CDH23: variants seen among roughly 807,000 people sequenced by gnomAD.
CDH23 encodes cadherin related 23, also known as cadherin-23.
Under a neutral mutation model 317.1 loss-of-function variants are expected in CDH23, and 189 were observed. The observed-to-expected ratio is 0.60, with a 90% CI of 0.53 to 0.67. The LOEUF is 0.67. Among genes scored for constraint, CDH23 ranks in the 30% least tolerant of loss-of-function variants. The pLI is 0.00. For missense variants in CDH23, 4,401 were observed against 4,592.4 expected (o/e 0.96, Z 1.20); for synonymous variants, 1,839 against 1,876.8 (o/e 0.98, Z 0.52).
Position 71,638,534 on chromosome 10 carries a change from T to A in CDH23, c.1135-5327T>A, listed in dbSNP as rs149395781. Among the ~76,000 whole-genome samples the A allele has an allele frequency of 2.6e-5, 4 of 152,250 alleles. No homozygotes were observed. In the East Asian group the frequency reaches 7.7e-4, roughly 29 times the overall value. ...GTGCTGAGAGCCCTCAGGTAATGAA[T>A]GACCAAGGGAAGCCATGCTTAGAAG... On this transcript the variant is annotated intron_variant, in intron 11 of 69. Coordinates refer to ENST00000224721, the MANE Select transcript of CDH23 (RefSeq NM_022124.6).
intron 14 of CDH23, among the ~76,000 whole-genome samples, chr10:71,651,457 C>T (rs1259007433): frequency 1.3e-5 from 2 of 151,016 alleles, no homozygotes; most frequent in Non-Finnish European, 2.9e-5. Context: ...CACTTGAGCC[C>T]AGGAAGTTGA....
rs969857955 is a variant in CDH23, at chr10:71,740,710, C to T, written c.4489-112C>T. On this transcript the variant is annotated intron_variant, in intron 36 of 69. Transcript: ENST00000224721. ...GGCCACCCAGGGGTTCTCAGTGAGT[C>T]TCTTTGCCCTCCCAAATGCTCCCCA... 8 of 1,460,068 alleles carry T rather than the reference C, an allele frequency of 5.5e-6. No individual in the cohort carries two copies. In the African/African-American group the frequency reaches 1.1e-4, roughly 20 times the overall value. The allele number at this position is 1,460,068 out of a possible 1,614,324, so 90.4% of individuals were successfully genotyped here.
At position 71,807,663 on chromosome 10, in the gene CDH23, C is replaced by T; in HGVS notation, c.8456C>T (p.Pro2819Leu). 1 of 1,613,966 alleles carries T rather than the reference C, an allele frequency of 6.2e-7. No individual in the cohort carries two copies. Among genetic ancestry groups the T allele is most frequent in the South Asian group, 1.1e-5 (1 of 91,064 alleles). The change falls in exon 59 of 70, where the codon CCA becomes CTA. Residue 2819 changes from proline to leucine, a missense_variant. Around this residue, in one of 3 missense-constraint regions of CDH23, gnomAD observed 1,144 missense variants for 1,138.2 expected, o/e 1.01. Transcript: ENST00000224721. ...TGGACACCTCCCCGTGGACCCTCCC[C>T]AACCCTCGACCTGGTTGCTGACCTC... ...RSWTPPRGPSPTLDLVADLTL... is the reference protein window; with the variant it reads ...RSWTPPRGPSLTLDLVADLTL...
intron 3 of CDH23, among the ~76,000 whole-genome samples, chr10:71,471,585 G>A (rs16928914): frequency 0.23 from 34,696 of 151,692 alleles, 4,845 homozygotes; most frequent in East Asian, 0.48. Flanking sequence ...CTCCAGTTGC[G>A]TGGACCCAGC....
chr10:71,645,847 T>G lies in CDH23; in HGVS notation c.1157T>G (p.Phe386Cys), dbSNP rs1793127025. ...KDENLGLNSM[F>C]EVYLVGNNSH... Reference sequence around the variant, plus strand: ...TTGACCCAGGGCCTGAACAGCATGTTTGAGGTGTACTTGGTGGGGAACAAC... The same window carrying G: ...TTGACCCAGGGCCTGAACAGCATGTGTGAGGTGTACTTGGTGGGGAACAAC... The change falls in exon 13 of 70, where the codon TTT becomes TGT. Residue 386 changes from phenylalanine to cysteine, a missense_variant. Transcript: ENST00000224721. 1 of 1,611,540 alleles carries G rather than the reference T, an allele frequency of 6.2e-7. No homozygotes were observed. Among genetic ancestry groups the G allele is most frequent in the African/African-American group, 1.3e-5 (1 of 74,874 alleles).
intron 38 of CDH23, among the ~76,000 whole-genome samples, chr10:71,752,729 G>C (rs1840036431): frequency 6.6e-6 from 1 of 152,170 alleles, no homozygotes; most frequent in South Asian, 2.1e-4. Flanking sequence ...TCCTGGCCCA[G>C]GCTGACCACT....
In CDH23 at chr10:71,791,158, A is replaced by G; in HGVS notation, c.6076A>G (p.Ile2026Val). 6.2e-7 allele frequency: 1 copy of G among 1,611,510 alleles called. No individual in the cohort carries two copies. The highest frequency in any genetic ancestry group is 2.2e-5 in the East Asian group (1 of 44,794). Residue 2026 changes from isoleucine (I) to valine (V), a missense_variant, in exon 47 of 70, where the codon ATC becomes GTC. By Grantham distance (29) the Ile-to-Val change is conservative. Coordinates refer to ENST00000224721, the MANE Select transcript of CDH23 (RefSeq NM_022124.6). ...TGTGGTGACCGTGAGGTCAGGTGTC[A>G]TCATTGACCGGGAGGCATTCTCGCC... The part of the protein sequence containing the change: ...TGVVTVRSGV[I>V]IDREAFSPPI...
rs146819206 is a variant in CDH23, at chr10:71,798,442, G to A, written c.6918G>A (p.Leu2306=). 2,924 of 1,613,968 alleles carry A rather than the reference G, an allele frequency of 1.8e-3. 40 individuals are homozygous for A. In the South Asian group the frequency reaches 0.019, roughly 10 times the overall value. The stretch of plus-strand genomic sequence containing the variant: ...TCACCTACTACATGGAGCGGATCCT[G>A]GAGGGGGCCACCCCTGGGACCACAC... ...FGITYYMERI[L]EGATPGTTLI... is the part of the protein sequence containing the mutation. Residue 2306 remains leucine (L), a synonymous_variant, in exon 50 of 70, where the codon CTG becomes CTA. Coordinates refer to ENST00000224721, the MANE Select transcript of CDH23 (RefSeq NM_022124.6).
chr10:71,440,242 G>A (rs1382318896), intron 2 of CDH23, among the ~76,000 whole-genome samples: 1 of 152,174 alleles, frequency 6.6e-6, no homozygotes, highest in Non-Finnish European at 1.5e-5. Flanking sequence ...CCACGGCTGT[G>A]TTCTGAGCAC....
At chr10:71,773,931 T>C (rs896845843) in intron 38 of CDH23, among the ~76,000 whole-genome samples, 4 of 152,084 alleles carry the variant, frequency 2.6e-5, no homozygotes, top group Admixed American at 2.6e-4. Context: ...CACTCCCAGC[T>C]GTGGAATGAG....
intron 3 of CDH23, among the ~76,000 whole-genome samples, chr10:71,506,453 A>G (rs1853644459): frequency 6.6e-6 from 1 of 152,212 alleles, no homozygotes; most frequent in South Asian, 2.1e-4. Context: ...CTGAGATGCA[A>G]GGTATATTGT....
rs189595046 is a variant in CDH23, at chr10:71,608,806, G to A, written c.833-6698G>A. Among the ~76,000 whole-genome samples, 7 of 152,340 alleles carry A rather than the reference G, an allele frequency of 4.6e-5. No individual in the cohort carries two copies. In the East Asian group the frequency reaches 5.8e-4, roughly 13 times the overall value. On this transcript the variant is annotated intron_variant, in intron 9 of 69. Coordinates refer to ENST00000224721, the MANE Select transcript of CDH23 (RefSeq NM_022124.6). ...GGCAGAGCCTCCAGGCGAGAGATGC[G>A]GGTGGGCTTCCTATAGCAGGTGATA...
intron 3 of CDH23, among the ~76,000 whole-genome samples, chr10:71,478,360 G>A (rs1430422920): frequency 6.6e-6 from 1 of 152,100 alleles, no homozygotes; most frequent in East Asian, 1.9e-4. Flanking sequence ...ACACCTCAGG[G>A]CCTTTGCACC....
At position 71,687,630 on chromosome 10, in the gene CDH23, G is replaced by A. The variant is rs753831675; in HGVS notation, c.1987-17G>A. 1.2e-6 allele frequency: 2 copies of A among 1,613,556 alleles called. No individual in the cohort carries two copies. The highest frequency in any genetic ancestry group is 1.6e-4 in the Middle Eastern group (1 of 6,062). On this transcript the variant is annotated splice_polypyrimidine_tract_variant and intron_variant, in intron 18 of 69. Transcript: ENST00000224721. ...GCCTCCCTGCAGCCTCCTGCAACCT[G>A]TCTGTGTTCCTTCCAGGATGAGAAT...
rs755591571 is a variant in CDH23 at position 71,679,405 on chromosome 10, C to G, written c.1771C>G (p.Pro591Ala). ...VRLRATDEDSPPNNQITYSIV... is the reference protein window; with the variant it reads ...VRLRATDEDSAPNNQITYSIV... Reference sequence around the variant, plus strand: ...CTTTCAGGCAACAGATGAAGACTCCCCTCCCAACAACCAGATCACCTACAG... The same window carrying G: ...CTTTCAGGCAACAGATGAAGACTCCGCTCCCAACAACCAGATCACCTACAG... Residue 591 changes from proline (P) to alanine (A), a missense_variant, in exon 17 of 70, where the codon CCT becomes GCT. Transcript: ENST00000224721. The G allele has an allele frequency of 1.2e-6, 2 of 1,613,726 alleles. No individual in the cohort carries two copies. The highest frequency in any genetic ancestry group is 1.7e-6 in the Non-Finnish European group (2 of 1,179,754).
At chr10:71,403,393 TTCTTTCTTTCTTTC>T (rs1847910540) in intron 1 of CDH23, among the ~76,000 whole-genome samples, 1 of 103,350 alleles carries the variant, frequency 9.7e-6, no homozygotes. Context: ...CTTTCTTTCT[TTCTTTCTTTCTTTC>T]TCTTCCTTCC....
intron 14 of CDH23, among the ~76,000 whole-genome samples, chr10:71,670,772 C>T (rs2441788): frequency 0.48 from 72,842 of 151,734 alleles, 18,131 homozygotes; most frequent in East Asian, 0.76. Context: ...TTTTAGCTAC[C>T]GGCTTTGACT....
intron 38 of CDH23, among the ~76,000 whole-genome samples, chr10:71,759,868 T>TATATACACACACAC (rs1840264015): frequency 2.1e-5 from 2 of 95,868 alleles, no homozygotes; most frequent in Non-Finnish European, 2.4e-5. Context: ...CACACACATA[T>TATATACACACACAC]ATATACACAC....
At chr10:71,694,039 C>A in intron 20 of CDH23, 108 bp from the exon 21 acceptor site, 2 of 872,958 alleles carry the variant, frequency 2.3e-6, no homozygotes, top group South Asian at 1.4e-5. Flanking sequence ...GCTAACATTT[C>A]TCGTGCAAGT....
Sources: allele counts gnomAD v4.1 joint callset (sites outside exome capture counted in the v4.1 genomes callset), GRCh38; gene constraint gnomAD v4.1.1; regional missense constraint gnomAD v4.1.1; transcripts MANE v1.5; gene names NCBI Gene and HGNC (gene_info 2026-07-23, HGNC 2026-07-21).